DCBLD2: variants seen among roughly 807,000 people sequenced by gnomAD.
DCBLD2 encodes the protein discoidin, CUB and LCCL domain containing 2.
DCBLD2 carries 54 observed loss-of-function variants against 86.8 expected under a neutral mutation model. That is an observed-to-expected ratio of 0.62 (90% CI 0.50 to 0.78). The LOEUF is 0.78. Ranked by LOEUF, DCBLD2 falls within the 30% of genes least tolerant of loss-of-function variation. The pLI is 0.00. For synonymous variants in DCBLD2, 354 were observed against 341.3 expected, an observed-to-expected ratio of 1.04 and a Z score of -0.41; for missense variants, 908 against 954.2, an observed-to-expected ratio of 0.95 and a Z score of 0.64.
chr3:98,869,915 A>G (rs1943226535), intron 2 of DCBLD2, among the ~76,000 whole-genome samples: 1 of 152,254 alleles, frequency 6.6e-6, no homozygotes, highest in Non-Finnish European at 1.5e-5. Context: ...GCTACTAAAA[A>G]TGGAGTGCTA....
At chr3:98,825,439 G>T in intron 3 of DCBLD2, 73 bp from the exon 4 acceptor site, 1 of 1,196,754 alleles carries the variant, frequency 8.4e-7, no homozygotes, top group Non-Finnish European at 1.2e-6. Flanking sequence ...AAGTGTCTCA[G>T]AATCCCAAAC....
intron 9 of DCBLD2, chr3:98,812,952 C>T (rs1355990665): frequency 6.5e-6 from 1 of 152,730 alleles, no homozygotes; most frequent in Non-Finnish European, 1.5e-5. Context: ...TGAAGGTGAA[C>T]ATATACTAAC....
rs1399214076 is a variant in DCBLD2 at position 98,901,169 on chromosome 3, A to C, written c.158T>G (p.Leu53Arg). 1 of 1,538,350 alleles carries C rather than the reference A, an allele frequency of 6.5e-7. No homozygotes were observed. The change falls in exon 1 of 16, where the codon CTC (leucine) becomes CGC (arginine). Residue 53 changes from leucine (L) to arginine (R), a missense_variant. Around this residue, in one of 3 missense-constraint regions of DCBLD2, gnomAD observed 294 missense variants for 256.0 expected, o/e 1.15. Transcript: ENST00000326840. ...GAGCAGCAGGAGCAGGACAAGTAAG[A>C]GCAGGAGGAACAGAGGCATGGAGAA... ...SSFSMPLFLLLLLVLLLLLED... is the reference protein window; with the variant it reads ...SSFSMPLFLLRLLVLLLLLED...
At position 98,870,656 on chromosome 3, in the gene DCBLD2, AAGAG is replaced by A. The variant is rs71124007; in HGVS notation, c.433+10880_433+10883del. 1.8e-3 allele frequency among the ~76,000 whole-genome samples: 243 copies of A among 134,224 alleles called. 5 individuals carry two copies. Among genetic ancestry groups the A allele is most frequent in the Admixed American group, 5.9e-3 (77 of 13,086 alleles). The allele number at this position is 134,224 out of a possible 152,430, so 88.1% of individuals were successfully genotyped here. ...AAATGGAAGGAAGAAGAGATAGAGA[AAGAG>A]AGAGAGAGAGAGAGAGAGAAATAGA... On this transcript the variant is annotated intron_variant, in intron 2 of 15. Transcript: ENST00000326840.
Position 98,798,438 on chromosome 3 carries a change from A to T in DCBLD2, c.*934T>A, listed in dbSNP as rs149611568. ...AATTTTGCCTTTCACTGTGATAAAT[A>T]TAAGTGGGTCATGTTTACAGTATTC... On this transcript the variant is annotated 3_prime_UTR_variant, in exon 16 of 16. Coordinates refer to ENST00000326840, the MANE Select transcript of DCBLD2 (RefSeq NM_080927.4). 6.6e-6 allele frequency: 1 copy of T among 152,206 alleles called. No homozygotes were observed. Among genetic ancestry groups the T allele is most frequent in the Non-Finnish European group, 1.5e-5 (1 of 68,028 alleles). 9.4% of individuals were successfully genotyped at this position (152,206 alleles called of 1,614,324 possible).
chr3:98,858,893 G>A (rs1211908088), intron 2 of DCBLD2, among the ~76,000 whole-genome samples: 1 of 152,162 alleles, frequency 6.6e-6, no homozygotes, highest in African/African-American at 2.4e-5. Flanking sequence ...CGCAGAAGAT[G>A]GGTGATTTCT....
intron 1 of DCBLD2, 42 bp downstream of exon 1, chr3:98,901,080 G>A (rs1943839988): frequency 2.0e-6 from 3 of 1,536,866 alleles, no homozygotes; most frequent in Non-Finnish European, 1.7e-6. Flanking sequence ...CCGCAGCCCC[G>A]ACGGAGGTTC....
intron 2 of DCBLD2, among the ~76,000 whole-genome samples, chr3:98,876,243 A>ATGGGCAAATGGTGTGTGCC (rs1268558750): frequency 6.6e-6 from 1 of 151,654 alleles, no homozygotes; most frequent in Non-Finnish European, 1.5e-5. Flanking sequence ...AACTTGACAG[A>ATGGGCAAATGGTGTGTGCC]TGGGCAAATG....
chr3:98,864,678 G>A (rs1943110217), intron 2 of DCBLD2, among the ~76,000 whole-genome samples: 1 of 152,230 alleles, frequency 6.6e-6, no homozygotes, highest in South Asian at 2.1e-4. Context: ...CACAGGCAGG[G>A]GAACATCACA....
chr3:98,808,321 TG>T, intron 12 of DCBLD2, 147 bp from the exon 13 acceptor site: 1 of 638,064 alleles, frequency 1.6e-6, no homozygotes, highest in Non-Finnish European at 2.5e-6. Flanking sequence ...ACTGGGCATG[TG>T]GTGGTAACTG....
intron 2 of DCBLD2, among the ~76,000 whole-genome samples, chr3:98,876,058 T>C (rs73138053): frequency 0.17 from 26,009 of 152,004 alleles, 2,341 homozygotes; most frequent in African/African-American, 0.24. Context: ...AATCTAACTA[T>C]AAATACATTT....
chr3:98,898,978 T>C (rs1444460621), intron 1 of DCBLD2, among the ~76,000 whole-genome samples: 1 of 151,926 alleles, frequency 6.6e-6, no homozygotes, highest in Non-Finnish European at 1.5e-5. Context: ...TATTAAGCTA[T>C]GAGATAGGTA....
chr3:98,863,594 C>G (rs1032241393), intron 2 of DCBLD2, among the ~76,000 whole-genome samples: 3 of 152,024 alleles, frequency 2.0e-5, no homozygotes, highest in Admixed American at 2.0e-4. Context: ...ACAAACCTGA[C>G]AAAAACAAGA....
intron 2 of DCBLD2, among the ~76,000 whole-genome samples, chr3:98,857,207 G>A (rs143858177): frequency 0.011 from 1,722 of 152,206 alleles, 7 homozygotes; most frequent in Non-Finnish European, 0.018. Flanking sequence ...TGGTGGGTTC[G>A]TGGTCTCGCT....
intron 15 of DCBLD2, among the ~76,000 whole-genome samples, chr3:98,800,286 T>C (rs1310871650): frequency 6.6e-6 from 1 of 152,218 alleles, no homozygotes; most frequent in Non-Finnish European, 1.5e-5. Flanking sequence ...GTAAGGCTTC[T>C]TCTGTCTTTC....
chr3:98,892,373 T>C (rs946867443), intron 1 of DCBLD2, among the ~76,000 whole-genome samples: 1 of 152,098 alleles, frequency 6.6e-6, no homozygotes, highest in Non-Finnish European at 1.5e-5. Context: ...CCCTGCCTTA[T>C]CCTTCTCTGG....
At chr3:98,800,856 T>C in intron 14 of DCBLD2, 140 bp from the exon 15 acceptor site, 1 of 964,892 alleles carries the variant, frequency 1.0e-6, no homozygotes. Context: ...AATCCAACTT[T>C]TTTTTTTTTT....
intron 2 of DCBLD2, among the ~76,000 whole-genome samples, chr3:98,863,878 G>A (rs1943091824): frequency 6.6e-6 from 1 of 152,118 alleles, no homozygotes; most frequent in Non-Finnish European, 1.5e-5. Context: ...AAACTAAAGA[G>A]CTTCTGCACA....
intron 1 of DCBLD2, among the ~76,000 whole-genome samples, chr3:98,892,514 A>G (rs571994147): frequency 2.0e-5 from 3 of 152,066 alleles, no homozygotes; most frequent in East Asian, 3.9e-4. Context: ...TGGACCTTGT[A>G]CAATAGGGAA....
Sources: gnomAD v4.1 joint callset for allele counts (sites outside exome capture counted in the v4.1 genomes callset) on GRCh38, gnomAD v4.1.1 for gene constraint, gnomAD v4.1.1 regional missense constraint, MANE v1.5 for transcripts, NCBI Gene and HGNC (gene_info 2026-07-23, HGNC 2026-07-21) for gene names.